The following FBN2 variants were observed in gnomAD, a reference collection of about 807,000 sequenced individuals.
FBN2 encodes the protein fibrillin-2.
Under a neutral mutation model 355.6 loss-of-function variants are expected in FBN2, and 105 were observed. The observed-to-expected ratio is 0.30, with a 90% CI of 0.25 to 0.35. The LOEUF (loss-of-function observed/expected upper bound fraction) is 0.35, where lower values mean the gene tolerates loss of function less well. FBN2 is among the 10% of genes least tolerant of loss of function. FBN2 has a pLI of 1.00. For missense variants in FBN2, 3,280 were observed against 3,758.7 expected (o/e 0.87, Z 3.33); for synonymous variants, 1,350 against 1,301.2 (o/e 1.04, Z -0.81).
chr5:128,458,125 T>C lies in FBN2; in HGVS notation c.826+6599A>G, dbSNP rs951480349. Among the ~76,000 whole-genome samples, 6 of 152,126 alleles carry C rather than the reference T, an allele frequency of 3.9e-5. No individual in the cohort carries two copies. The South Asian group carries it at 1.0e-3, about 26-fold the overall frequency. On this transcript the variant is annotated intron_variant, in intron 6 of 64. Coordinates refer to ENST00000262464, the MANE Select transcript of FBN2 (RefSeq NM_001999.4). ...CTCAAAATAAAGGGATGGAGGAATA[T>C]TTACCAAGCAAAAGGAAAGCAAAAA... is the stretch of plus-strand genomic sequence containing the variant.
chr5:128,324,488 T>C (rs1750486945), intron 34 of FBN2, among the ~76,000 whole-genome samples: 1 of 152,250 alleles, frequency 6.6e-6, no homozygotes, highest in Admixed American at 6.5e-5. Flanking sequence ...ATGTTGTGAC[T>C]TTGTTCTCAT....
At chr5:128,376,689 G>A (rs759163178) in intron 14 of FBN2, 42 bp downstream of exon 14, 9 of 1,610,806 alleles carry the variant, frequency 5.6e-6, no homozygotes, top group Non-Finnish European at 7.6e-6. Flanking sequence ...AAAAAAGGTG[G>A]TTTCAATCAT....
intron 5 of FBN2, among the ~76,000 whole-genome samples, chr5:128,496,921 A>T (rs1167942645): frequency 6.6e-6 from 1 of 152,162 alleles, no homozygotes; most frequent in Non-Finnish European, 1.5e-5. Context: ...AAATGTTTCA[A>T]AAATAAAACT....
intron 48 of FBN2, among the ~76,000 whole-genome samples, chr5:128,292,059 C>A (rs1372294186): frequency 6.6e-6 from 1 of 151,948 alleles, no homozygotes; most frequent in African/African-American, 2.4e-5. Flanking sequence ...CTCCTTTTTT[C>A]ACTCCACATG....
intron 11 of FBN2, among the ~76,000 whole-genome samples, chr5:128,390,897 G>A (rs563591971): frequency 1.3e-5 from 2 of 152,254 alleles, no homozygotes; most frequent in Admixed American, 1.3e-4. Context: ...ATTTAACACT[G>A]TATGCTTGAT....
Position 128,366,358 on chromosome 5 carries a change from TG to T in FBN2, c.2302+18del. On this transcript the variant is annotated intron_variant, in intron 17 of 64. Transcript: ENST00000262464. ...TTATGTCACGTGATTATTATAAAGT[TG>T]AGATTAACTAGAGTTACCTCTTCCA... 1 of 1,450,356 alleles carries T rather than the reference TG, an allele frequency of 6.9e-7. No individual in the cohort carries two copies. Among genetic ancestry groups the T allele is most frequent in the Non-Finnish European group, 9.7e-7 (1 of 1,034,228 alleles). 89.8% of individuals were successfully genotyped at this position (1,450,356 alleles called of 1,614,324 possible). A position where few individuals can be genotyped will look rare whatever the true frequency, so the allele number is the denominator to read the frequency against.
At chr5:128,366,328 T>A (rs752045922) in intron 17 of FBN2, 49 bp downstream of exon 17, 2 of 967,490 alleles carry the variant, frequency 2.1e-6, no homozygotes, top group South Asian at 1.4e-5. Context: ...TATAAAGCTA[T>A]ACGATTATGT....
At chr5:128,535,641 T>C (rs1477712722) in intron 2 of FBN2, among the ~76,000 whole-genome samples, 1 of 152,162 alleles carries the variant, frequency 6.6e-6, no homozygotes, top group Non-Finnish European at 1.5e-5. Flanking sequence ...TAATGAGCTC[T>C]CCAATTAGAA....
At chr5:128,293,720 C>G (rs910423584) in intron 48 of FBN2, among the ~76,000 whole-genome samples, 1 of 152,030 alleles carries the variant, frequency 6.6e-6, no homozygotes, top group African/African-American at 2.4e-5. Context: ...GGCTGACACA[C>G]TACTTTTATT....
At chr5:128,450,932 T>G (rs1352603674) in intron 6 of FBN2, among the ~76,000 whole-genome samples, 1 of 152,152 alleles carries the variant, frequency 6.6e-6, no homozygotes, top group African/African-American at 2.4e-5. Flanking sequence ...AATAGAAAAT[T>G]AAAGAAATAA....
intron 61 of FBN2, among the ~76,000 whole-genome samples, chr5:128,273,574 A>G (rs1257033577): frequency 6.6e-6 from 1 of 152,146 alleles, no homozygotes; most frequent in Non-Finnish European, 1.5e-5. Flanking sequence ...TTCTTTTTCA[A>G]TTCAATTCTT....
At chr5:128,292,615 C>A (rs1231914858) in intron 48 of FBN2, among the ~76,000 whole-genome samples, 1 of 152,108 alleles carries the variant, frequency 6.6e-6, no homozygotes, top group Non-Finnish European at 1.5e-5. Flanking sequence ...CCACCACCAA[C>A]AACAAAAAAA....
intron 62 of FBN2, among the ~76,000 whole-genome samples, chr5:128,269,302 T>A (rs1488995522): frequency 2.0e-5 from 3 of 148,290 alleles, no homozygotes; most frequent in Admixed American, 6.8e-5. Context: ...ATAATAATAA[T>A]AATAAACTAA....
intron 6 of FBN2, among the ~76,000 whole-genome samples, chr5:128,453,474 T>A (rs1342583966): frequency 2.6e-5 from 4 of 152,226 alleles, no homozygotes; most frequent in Non-Finnish European, 5.9e-5. Flanking sequence ...CTGGCCTTCC[T>A]ATAACTGATG....
Position 128,261,677 on chromosome 5 carries a change from T to C in FBN2, c.8364+59A>G, listed in dbSNP as rs906176932. On this transcript the variant is annotated intron_variant, in intron 64 of 64. Transcript: ENST00000262464. ...AGGCTGAAAACGACGTGAACTGCAC[T>C]GTATACATGACTCCGTAGGGATAAA... 4 of 1,515,690 alleles carry C rather than the reference T, an allele frequency of 2.6e-6. No individual in the cohort carries two copies. The African/African-American group carries it at 4.1e-5, about 16-fold the overall frequency. The allele number at this position is 1,515,690 out of a possible 1,614,324, so 93.9% of individuals were successfully genotyped here.
rs2112809151 is a variant in FBN2, at chr5:128,536,419, C to T, written c.320G>A (p.Gly107Glu). The stretch of plus-strand genomic sequence containing the variant: ...GCACTCACGGACAATGCACTGGTTT[C>T]CTCCAGGGAGCGTCTTCCATCCAGG... ...CCPGWKTLPGGNQCIVPICRN... is the reference protein window; with the variant it reads ...CCPGWKTLPGENQCIVPICRN... Residue 107 changes from glycine to glutamate, a missense_variant, in exon 2 of 65, where the codon GGA becomes GAA. Gly to Glu is a moderately conservative substitution (Grantham distance 98). Transcript: ENST00000262464. 1 of 1,614,030 alleles carries T rather than the reference C, an allele frequency of 6.2e-7. No individual in the cohort carries two copies. Among genetic ancestry groups the T allele is most frequent in the East Asian group, 2.2e-5 (1 of 44,868 alleles).
At chr5:128,380,260 T>C (rs331092) in intron 11 of FBN2, among the ~76,000 whole-genome samples, 76,323 of 151,640 alleles carry the variant, frequency 0.5, 19,782 homozygotes, top group Non-Finnish European at 0.56. Flanking sequence ...CTTTCCAATA[T>C]GAAATACCAC....
chr5:128,307,798 A>G (rs1378472455), intron 41 of FBN2, among the ~76,000 whole-genome samples: 2 of 152,114 alleles, frequency 1.3e-5, no homozygotes, highest in African/African-American at 2.4e-5. Flanking sequence ...TGGAAATTTA[A>G]AAGAATTCTA....
chr5:128,307,314 AT>A, intron 41 of FBN2, 111 bp from the exon 42 acceptor site: 2 of 749,524 alleles, frequency 2.7e-6, no homozygotes, highest in Non-Finnish European at 4.8e-6. Flanking sequence ...ACAACCAGAC[AT>A]TTTGATTTCA....
Sources: gnomAD v4.1 joint callset for allele counts (sites outside exome capture counted in the v4.1 genomes callset) on GRCh38, gnomAD v4.1.1 for gene constraint, MANE v1.5 for transcripts, NCBI Gene and HGNC (gene_info 2026-07-23, HGNC 2026-07-21) for gene names.